The following CABP7 variants were observed in gnomAD, a reference collection of about 807,000 sequenced individuals.
CABP7 encodes calcium-binding protein 7.
A neutral mutation model predicts 23.1 loss-of-function variants in CABP7; 13 were observed. The observed-to-expected ratio is 0.56, with a 90% CI of 0.37 to 0.90. The LOEUF is 0.90. Ranked by LOEUF, CABP7 falls within the 40% of genes least tolerant of loss-of-function variation. The pLI, the probability that CABP7 is intolerant of heterozygous loss-of-function variation, is 0.01. For missense variants in CABP7, 248 were observed against 295.6 expected, an observed-to-expected ratio of 0.84 and a Z score of 1.18; for synonymous variants, 123 against 115.3, an observed-to-expected ratio of 1.07 and a Z score of -0.43.
At chr22:29,725,946 C>T (rs796883799) in intron 1 of CABP7, among the ~76,000 whole-genome samples, 15 of 152,316 alleles carry the variant, frequency 9.8e-5, no homozygotes, top group African/African-American at 3.4e-4. Context: ...CAGCAGCCTC[C>T]GTGGCTGACA....
chr22:29,727,233 G>C lies in CABP7; in HGVS notation c.110-429G>C, dbSNP rs1053385580. On this transcript the variant is annotated intron_variant, in intron 1 of 4. Coordinates refer to ENST00000216144, the MANE Select transcript of CABP7 (RefSeq NM_182527.3). This position sits in a 1 kb window ranked among gnomAD's most constrained non-coding sequence, Gnocchi z 4.2. ...GTTAAGGATCTAAGGATCCGAGCCT[G>C]GGGGAGGAGGCGCAGCGGGATGGAG... 2.0e-3 allele frequency among the ~76,000 whole-genome samples: 250 copies of C among 126,760 alleles called. 1 individual carries two copies. The highest frequency in any genetic ancestry group is 2.7e-4 in the Non-Finnish European group (15 of 55,092). 83.2% of individuals were successfully genotyped at this position (126,760 alleles called of 152,430 possible).
rs774342279 is a variant in CABP7, at chr22:29,728,746, T to C, written c.366+4T>C. On this transcript the variant is annotated splice_donor_region_variant and intron_variant, in intron 3 of 4. Transcript: ENST00000216144. ...CTTTGATACTGTCTTCTGGAAGGTA[T>C]CCCCTGGCTAGTTGGGACCCAGGGC... 1.9e-6 allele frequency: 3 copies of C among 1,599,738 alleles called. No individual in the cohort carries two copies. Among genetic ancestry groups the C allele is most frequent in the Non-Finnish European group, 1.7e-6 (2 of 1,167,384 alleles).
chr22:29,724,196 G>A (rs1349240601), intron 1 of CABP7, among the ~76,000 whole-genome samples: 1 of 152,238 alleles, frequency 6.6e-6, no homozygotes, highest in East Asian at 1.9e-4. Context: ...GGGCTTCAGT[G>A]ATGGTGCCGG....
At position 29,720,416 on chromosome 22, in the gene CABP7, G is replaced by A. The variant is rs375700349; in HGVS notation, c.-9G>A. ...TTTGCGGCGGGCGGGCGGGCGCGGA[G>A]CCTCCAAGATGCCGTTCCACCCGGT... On this transcript the variant is annotated 5_prime_UTR_variant, in exon 1 of 5. Coordinates refer to ENST00000216144, the MANE Select transcript of CABP7 (RefSeq NM_182527.3). This position sits in a 1 kb window ranked among gnomAD's most constrained non-coding sequence, Gnocchi z 5.2. The A allele has an allele frequency of 8.0e-6, 12 of 1,495,266 alleles. No individual in the cohort carries two copies. The African/African-American group carries it at 1.6e-4, about 20-fold the overall frequency. 92.6% of individuals were successfully genotyped at this position (1,495,266 alleles called of 1,614,324 possible).
intron 1 of CABP7, among the ~76,000 whole-genome samples, chr22:29,723,327 T>C (rs570392765): frequency 1.1e-4 from 17 of 152,066 alleles, no homozygotes; most frequent in Non-Finnish European, 2.1e-4. Context: ...TGCACAGAGC[T>C]GGCCTGAGGC....
At position 29,720,765 on chromosome 22, in the gene CABP7, C is replaced by A. The variant is rs187136516; in HGVS notation, c.109+232C>A. On this transcript the variant is annotated intron_variant, in intron 1 of 4. Transcript: ENST00000216144. This position sits in a 1 kb window ranked among gnomAD's most constrained non-coding sequence, Gnocchi z 5.2. ...GCCCAGCCCCTGCCCGCGTGGTCCC[C>A]AGCGCTGCGGAAACTTGCCGGGCCC... 0.036 allele frequency among the ~76,000 whole-genome samples: 5,435 copies of A among 151,496 alleles called. 330 individuals carry two copies. The highest frequency in any genetic ancestry group is 0.12 in the African/African-American group (5,158 of 41,426).
At chr22:29,728,782 G>A (rs763466631) in intron 3 of CABP7, 40 bp downstream of exon 3, 12 of 1,416,076 alleles carry the variant, frequency 8.5e-6, no homozygotes, top group African/African-American at 2.8e-5. Flanking sequence ...TGTGCACACT[G>A]TGGAGTTCTG....
chr22:29,729,289 AG>A (rs1490847068), intron 4 of CABP7, 81 bp downstream of exon 4: 3 of 1,523,192 alleles, frequency 2.0e-6, no homozygotes, highest in Non-Finnish European at 2.7e-6. Flanking sequence ...GAGTCTGCAG[AG>A]GGGGGCTGGG....
At position 29,720,505 on chromosome 22, in the gene CABP7, G is replaced by A. The variant is rs2067752452; in HGVS notation, c.81G>A (p.Pro27=). The A allele has an allele frequency of 1.2e-5, 19 of 1,556,404 alleles. No individual in the cohort carries two copies. Among genetic ancestry groups the A allele is most frequent in the Non-Finnish European group, 1.6e-5 (19 of 1,152,554 alleles). The change falls in exon 1 of 5, where the codon CCG becomes CCA. Residue 27 remains proline, a synonymous_variant. Coordinates refer to ENST00000216144, the MANE Select transcript of CABP7 (RefSeq NM_182527.3). The surrounding 1 kb of genome is among the most constrained non-coding windows in gnomAD (Gnocchi z 5.2). ...CCAACCTGCTGTCGGAGCAGCGCCC[G>A]GTGGACATCCCGGAGGACGAGCTGG... ...TVPNLLSEQR[P]VDIPEDELEE... is the part of the protein sequence containing the mutation.
Position 29,721,873 on chromosome 22 carries a change from GC to G in CABP7, c.109+1346del, listed in dbSNP as rs556379957. On this transcript the variant is annotated intron_variant, in intron 1 of 4. Transcript: ENST00000216144. Reference sequence around the variant, plus strand: ...CGGACAGGACAGATGGATGATTGGGGCCCCCCGACATGACCTCACCATTCAC... The same window carrying G: ...CGGACAGGACAGATGGATGATTGGGGCCCCCGACATGACCTCACCATTCAC... Among the ~76,000 whole-genome samples, 148 of 152,216 alleles carry G rather than the reference GC, an allele frequency of 9.7e-4. 1 individual carries two copies. The highest frequency in any genetic ancestry group is 3.4e-3 in the African/African-American group (142 of 41,536).
At position 29,727,813 on chromosome 22, in the gene CABP7, C is replaced by T. The variant is rs114019798; in HGVS notation, c.253+8C>T. 4,804 of 1,595,288 alleles carry T rather than the reference C, an allele frequency of 3.0e-3. 77 individuals are homozygous for T. The African/African-American group carries it at 0.047, about 16-fold the overall frequency. On this transcript the variant is annotated splice_region_variant and intron_variant, in intron 2 of 4. Coordinates refer to ENST00000216144, the MANE Select transcript of CABP7 (RefSeq NM_182527.3). The surrounding 1 kb of genome is among the most constrained non-coding windows in gnomAD (Gnocchi z 4.2). ...AGCGGCTGGACATGGATGGTGAGCA[C>T]CCCCCCGCCTCGGTTTCCCCACCTG...
intron 1 of CABP7, among the ~76,000 whole-genome samples, chr22:29,724,136 G>C (rs1009203803): frequency 6.6e-6 from 1 of 152,224 alleles, no homozygotes; most frequent in African/African-American, 2.4e-5. Context: ...GCACAACGGT[G>C]GCAGGAAATC....
In CABP7 at chr22:29,720,224, C is replaced by G. The variant is rs2067748987; in HGVS notation, c.-201C>G. ...TGCGGGGCCCCGGCTGGGAGCCCGA[C>G]GAGGGAGCGGGCGGCATGGCCCGGC... On this transcript the variant is annotated 5_prime_UTR_variant, in exon 1 of 5. Coordinates refer to ENST00000216144, the MANE Select transcript of CABP7 (RefSeq NM_182527.3). The surrounding 1 kb of genome is among the most constrained non-coding windows in gnomAD (Gnocchi z 5.2). 1 of 146,710 alleles carries G rather than the reference C, an allele frequency of 6.8e-6. No individual in the cohort carries two copies. The highest frequency in any genetic ancestry group is 2.1e-4 in the South Asian group (1 of 4,820). 9.1% of individuals were successfully genotyped at this position (146,710 alleles called of 1,614,324 possible).
chr22:29,726,867 C>G (rs1425249012), intron 1 of CABP7, among the ~76,000 whole-genome samples: 1 of 152,196 alleles, frequency 6.6e-6, no homozygotes, highest in Non-Finnish European at 1.5e-5. Context: ...CAGGTGAGGA[C>G]CCCCTCAACT....
chr22:29,727,811 C>T lies in CABP7; in HGVS notation c.253+6C>T, dbSNP rs759522422. ...CCAGCGGCTGGACATGGATGGTGAG[C>T]ACCCCCCCGCCTCGGTTTCCCCACC... is the stretch of plus-strand genomic sequence containing the variant. On this transcript the variant is annotated splice_donor_region_variant and intron_variant, in intron 2 of 4. Coordinates refer to ENST00000216144, the MANE Select transcript of CABP7 (RefSeq NM_182527.3). This position sits in a 1 kb window ranked among gnomAD's most constrained non-coding sequence, Gnocchi z 4.2. The T allele has an allele frequency of 3.1e-6, 5 of 1,603,128 alleles. No homozygotes were observed. In the South Asian group the frequency reaches 4.4e-5, roughly 14 times the overall value.
chr22:29,723,528 C>G (rs1261051757), intron 1 of CABP7, among the ~76,000 whole-genome samples: 4 of 152,210 alleles, frequency 2.6e-5, no homozygotes, highest in Admixed American at 2.6e-4. Context: ...AAGTCTTAGC[C>G]CTTTCTGGCC....
chr22:29,731,032 G>A lies in CABP7; in HGVS notation c.*1463G>A. On this transcript the variant is annotated 3_prime_UTR_variant, in exon 5 of 5. Transcript: ENST00000216144. The stretch of plus-strand genomic sequence containing the variant: ...CTTAAGAAGCAGGGGGGCAGGTGGA[G>A]GAGAGTGAGGGGAGAGCTGCCCGGT... The A allele has an allele frequency of 2.1e-6, 1 of 485,558 alleles. No individual in the cohort carries two copies. The highest frequency in any genetic ancestry group is 3.5e-6 in the Non-Finnish European group (1 of 283,862). The allele number at this position is 485,558 out of a possible 1,614,324, so 30.1% of individuals were successfully genotyped here. A position where few individuals can be genotyped will look rare whatever the true frequency, so the allele number is the denominator to read the frequency against.
chr22:29,727,663 G>A lies in CABP7; in HGVS notation c.111G>A (p.Glu37=). 1 of 1,613,780 alleles carries A rather than the reference G, an allele frequency of 6.2e-7. No homozygotes were observed. Among genetic ancestry groups the A allele is most frequent in the Non-Finnish European group, 8.5e-7 (1 of 1,179,944 alleles). ...PVDIPEDELE[E]IREAFKVFDR... is the part of the protein sequence containing the mutation. The stretch of plus-strand genomic sequence containing the variant: ...CAGCCTACTCCATTCTCTCCTCAGA[G>A]ATCCGAGAGGCCTTCAAGGTGTTTG... Residue 37 remains glutamate, a splice_region_variant and synonymous_variant, in exon 2 of 5, where the codon GAG becomes GAA. Coordinates refer to ENST00000216144, the MANE Select transcript of CABP7 (RefSeq NM_182527.3). The surrounding 1 kb of genome is among the most constrained non-coding windows in gnomAD (Gnocchi z 4.2).
In CABP7 at chr22:29,729,726, TCCTCA is replaced by T. The variant is rs2067825263; in HGVS notation, c.*161_*165del. 1 of 925,766 alleles carries T rather than the reference TCCTCA, an allele frequency of 1.1e-6. No homozygotes were observed. The allele number at this position is 925,766 out of a possible 1,614,324, so 57.3% of individuals were successfully genotyped here. A position where few individuals can be genotyped will look rare whatever the true frequency, so the allele number is the denominator to read the frequency against. On this transcript the variant is annotated 3_prime_UTR_variant, in exon 5 of 5. Transcript: ENST00000216144. ...GCGAGCCCTCCCCACCCACCCACGG[TCCTCA>T]CCTGGAGCTGTGGCCTGGCTGTGGA...
Sources: gnomAD v4.1 joint callset for allele counts (sites outside exome capture counted in the v4.1 genomes callset) on GRCh38, gnomAD v4.1.1 for gene constraint, Gnocchi (gnomAD v3.1) non-coding constraint, MANE v1.5 for transcripts, NCBI Gene and HGNC (gene_info 2026-07-23, HGNC 2026-07-21) for gene names.